The following GRID2 variants were observed in gnomAD, a reference collection of about 807,000 sequenced individuals.
GRID2 encodes the protein glutamate receptor ionotropic, delta-2.
GRID2 carries 33 observed loss-of-function variants against 114.8 expected under a neutral mutation model. That is an observed-to-expected ratio of 0.29 (90% confidence interval 0.22 to 0.38). The LOEUF is 0.38. Among genes scored for constraint, GRID2 ranks in the 10% least tolerant of loss-of-function variants. The pLI is 1.00. For synonymous variants in GRID2, 505 were observed against 449.9 expected (o/e 1.12, Z -1.55); for missense variants, 1,184 against 1,257.7 (o/e 0.94, Z 0.89).
chr4:93,671,118 A>G lies in GRID2; in HGVS notation c.2360+44683A>G, dbSNP rs183427162. On this transcript the variant is annotated intron_variant, in intron 14 of 15. Transcript: ENST00000282020. Reference sequence around the variant, plus strand: ...AAACTGTCCTATTTTAATAGAGAAGATCCTAAGACTGCTGGAAAAGGGTCT... The same window carrying G: ...AAACTGTCCTATTTTAATAGAGAAGGTCCTAAGACTGCTGGAAAAGGGTCT... Among the ~76,000 whole-genome samples the G allele has an allele frequency of 2.3e-3, 349 of 152,280 alleles. 1 individual carries two copies. The highest frequency in any genetic ancestry group is 8.2e-3 in the African/African-American group (341 of 41,538).
intron 14 of GRID2, among the ~76,000 whole-genome samples, chr4:93,627,266 C>G (rs1313412593): frequency 1.3e-5 from 2 of 152,000 alleles, no homozygotes; most frequent in African/African-American, 4.8e-5. Flanking sequence ...AATGACAGTC[C>G]AAGAGGACAG....
intron 11 of GRID2, among the ~76,000 whole-genome samples, chr4:93,461,461 T>C (rs905099969): frequency 6.6e-6 from 1 of 152,100 alleles, no homozygotes; most frequent in African/African-American, 2.4e-5. Context: ...TATTTCAGAA[T>C]TGCAGTCTTC....
At chr4:93,033,779 G>A (rs574492135) in intron 2 of GRID2, among the ~76,000 whole-genome samples, 286 of 152,096 alleles carry the variant, frequency 1.9e-3, no homozygotes, top group African/African-American at 5.4e-3. Context: ...TTATGGTCTT[G>A]AAAGATGCAG....
chr4:92,621,031 C>A (rs1730250352), intron 2 of GRID2, among the ~76,000 whole-genome samples: 1 of 149,654 alleles, frequency 6.7e-6, no homozygotes, highest in Admixed American at 6.7e-5. Context: ...CCCAGGCATT[C>A]TCAGATCAGA....
intron 2 of GRID2, among the ~76,000 whole-genome samples, chr4:92,930,437 A>G (rs1425328747): frequency 6.6e-6 from 1 of 151,284 alleles, no homozygotes; most frequent in Non-Finnish European, 1.5e-5. Context: ...AATATTAAAG[A>G]AGGCTTAAAT....
chr4:92,892,114 T>C (rs1746831766), intron 2 of GRID2, among the ~76,000 whole-genome samples: 1 of 152,014 alleles, frequency 6.6e-6, no homozygotes, highest in Admixed American at 6.6e-5. Context: ...CCCAGGCTTG[T>C]GTGCAGTGGC....
intron 2 of GRID2, among the ~76,000 whole-genome samples, chr4:92,702,919 G>A (rs1734754249): frequency 6.6e-6 from 1 of 151,974 alleles, no homozygotes; most frequent in South Asian, 2.1e-4. Context: ...AAATAGTAAT[G>A]GCTGTGAAAG....
intron 2 of GRID2, among the ~76,000 whole-genome samples, chr4:92,779,998 A>G (rs895684654): frequency 7.2e-5 from 11 of 152,168 alleles, no homozygotes; most frequent in Non-Finnish European, 1.3e-4. Flanking sequence ...TTGCCTCAAG[A>G]AAGTTAATAG....
chr4:93,674,879 A>G (rs543508766), intron 14 of GRID2, among the ~76,000 whole-genome samples: 4 of 152,220 alleles, frequency 2.6e-5, no homozygotes, highest in Admixed American at 6.5e-5. Flanking sequence ...CTCCCCAAAG[A>G]TTCTCAAAAA....
rs565303729 is a variant in GRID2, at chr4:93,163,263, T to C, written c.736-44141T>C. Among the ~76,000 whole-genome samples, 3 of 150,034 alleles carry C rather than the reference T, an allele frequency of 2.0e-5. No individual in the cohort carries two copies. The East Asian group carries it at 5.9e-4, about 29-fold the overall frequency. ...TTTATGTGCATTAATCTAAGAACAT[T>C]ATGGAGCATATAAACCAAAATATCA... On this transcript the variant is annotated intron_variant, in intron 4 of 15. Coordinates refer to ENST00000282020, the MANE Select transcript of GRID2 (RefSeq NM_001510.4).
intron 14 of GRID2, among the ~76,000 whole-genome samples, chr4:93,731,209 G>C (rs1730454967): frequency 6.6e-6 from 1 of 152,180 alleles, no homozygotes; most frequent in African/African-American, 2.4e-5. Context: ...GGAGCAGGTT[G>C]AGGCGCAGGG....
intron 11 of GRID2, among the ~76,000 whole-genome samples, chr4:93,463,972 C>A (rs548546468): frequency 1.3e-5 from 2 of 151,754 alleles, no homozygotes; most frequent in Non-Finnish European, 2.9e-5. Context: ...CTGGGCGACA[C>A]AGCAAGACTC....
At chr4:93,017,847 C>T (rs1323868353) in intron 2 of GRID2, among the ~76,000 whole-genome samples, 12 of 143,020 alleles carry the variant, frequency 8.4e-5, no homozygotes, top group Non-Finnish European at 1.4e-4. Context: ...AAATAAATTG[C>T]AAATAATATG....
intron 4 of GRID2, among the ~76,000 whole-genome samples, chr4:93,178,353 T>C (rs1739549161): frequency 6.7e-6 from 1 of 149,718 alleles, no homozygotes; most frequent in Non-Finnish European, 1.5e-5. Flanking sequence ...TTATATTTAG[T>C]GCTTATATTG....
chr4:92,681,496 T>C (rs1185223738), intron 2 of GRID2, among the ~76,000 whole-genome samples: 2 of 152,014 alleles, frequency 1.3e-5, no homozygotes, highest in Non-Finnish European at 2.9e-5. Flanking sequence ...CATCATTTTT[T>C]ATGGCTGCAC....
At position 93,304,423 on chromosome 4, in the gene GRID2, G is replaced by A. The variant is rs1755201295; in HGVS notation, c.1245+65933G>A. Among the ~76,000 whole-genome samples the A allele has an allele frequency of 2.0e-5, 3 of 151,894 alleles. No homozygotes were observed. In the South Asian group the frequency reaches 6.2e-4, roughly 32 times the overall value. On this transcript the variant is annotated intron_variant, in intron 8 of 15. Coordinates refer to ENST00000282020, the MANE Select transcript of GRID2 (RefSeq NM_001510.4). ...CCACAAATATAGGATTTTTACTAGAGGTGCTTTTTTCCCCCCTTAGGAAAA... is the reference window on the plus strand; with the variant it reads ...CCACAAATATAGGATTTTTACTAGAAGTGCTTTTTTCCCCCCTTAGGAAAA...
intron 8 of GRID2, among the ~76,000 whole-genome samples, chr4:93,293,072 CCT>C (rs1753914188): frequency 6.6e-6 from 1 of 152,136 alleles, no homozygotes; most frequent in South Asian, 2.1e-4. Context: ...CTGCTGCACC[CCT>C]GAGTACAATC....
chr4:92,818,831 A>C (rs1261593652), intron 2 of GRID2, among the ~76,000 whole-genome samples: 1 of 152,120 alleles, frequency 6.6e-6, no homozygotes, highest in Non-Finnish European at 1.5e-5. Context: ...TGCAATACTT[A>C]CTTGAAGCAT....
chr4:92,529,498 T>C (rs1725225058), intron 1 of GRID2, among the ~76,000 whole-genome samples: 1 of 152,068 alleles, frequency 6.6e-6, no homozygotes, highest in Non-Finnish European at 1.5e-5. Context: ...ACAGAGGAGA[T>C]AGGGATTCCA....
Sources: gnomAD v4.1 joint callset for allele counts (sites outside exome capture counted in the v4.1 genomes callset) on GRCh38, gnomAD v4.1.1 for gene constraint, MANE v1.5 for transcripts, NCBI Gene and HGNC (gene_info 2026-07-23, HGNC 2026-07-21) for gene names.